NCAPG: variants seen among roughly 807,000 people sequenced by gnomAD.
NCAPG encodes the protein condensin complex subunit 3.
In NCAPG, 69 loss-of-function variants were observed where a neutral mutation model predicts 113.1. The observed-to-expected ratio is 0.61, with a 90% CI of 0.50 to 0.75. NCAPG has a LOEUF of 0.75. Among genes scored for constraint, NCAPG ranks in the 30% least tolerant of loss-of-function variants. NCAPG has a pLI of 0.00. For missense variants in NCAPG, 1,058 were observed against 1,177.0 expected (o/e 0.90, Z 1.48); for synonymous variants, 370 against 415.8 (o/e 0.89, Z 1.34).
In NCAPG at chr4:17,812,819, G is replaced by A. The variant is rs1721053916; in HGVS notation, c.316-98G>A. On this transcript the variant is annotated intron_variant, in intron 2 of 20. Transcript: ENST00000251496. ...TCTCTTCAGGAAATGAATTGTTGTT[G>A]TAACTTCTTGCATTCCGAATGTATA... 3.0e-6 allele frequency: 3 copies of A among 1,009,096 alleles called. No homozygotes were observed. The Admixed American group carries it at 6.4e-5, about 22-fold the overall frequency. 62.5% of individuals were successfully genotyped at this position (1,009,096 alleles called of 1,614,324 possible). A position where few individuals can be genotyped will look rare whatever the true frequency, so the allele number is the denominator to read the frequency against.
intron 5 of NCAPG, 157 bp from the exon 6 acceptor site, chr4:17,817,102 ACT>A (rs1396577057): frequency 5.5e-6 from 3 of 548,816 alleles, no homozygotes; most frequent in Admixed American, 3.5e-5. Context: ...ACAGAGCGAG[ACT>A]CTGTCTCAAA....
chr4:17,811,302 C>T lies in NCAPG; in HGVS notation c.111+114C>T, dbSNP rs895546027. On this transcript the variant is annotated intron_variant, in intron 1 of 20. Transcript: ENST00000251496. This position sits in a 1 kb window ranked among gnomAD's most constrained non-coding sequence, Gnocchi z 5.3. ...CCGTGACTCCAGCCTTGTTCACCTTCGCGACTCACTTCATAGGGATCTGAG... is the reference window on the plus strand; with the variant it reads ...CCGTGACTCCAGCCTTGTTCACCTTTGCGACTCACTTCATAGGGATCTGAG... The T allele has an allele frequency of 1.7e-5, 10 of 595,552 alleles. No individual in the cohort carries two copies. Among genetic ancestry groups the T allele is most frequent in the Non-Finnish European group, 2.2e-5 (8 of 357,762 alleles). 36.9% of individuals were successfully genotyped at this position (595,552 alleles called of 1,614,324 possible). A position where few individuals can be genotyped will look rare whatever the true frequency, so the allele number is the denominator to read the frequency against.
chr4:17,842,474 T>A, intron 20 of NCAPG, 95 bp downstream of exon 20: 1 of 954,890 alleles, frequency 1.0e-6, no homozygotes, highest in South Asian at 1.4e-5. Flanking sequence ...TGAGAGAGAA[T>A]ATATAACAAG....
chr4:17,839,195 C>G (rs1471837256), intron 16 of NCAPG, among the ~76,000 whole-genome samples: 3 of 152,162 alleles, frequency 2.0e-5, no homozygotes, highest in Non-Finnish European at 4.4e-5. Flanking sequence ...TCAACTACTG[C>G]TATGCAAACA....
chr4:17,821,457 CT>C (rs34483824), intron 7 of NCAPG, among the ~76,000 whole-genome samples: 58,282 of 104,402 alleles, frequency 0.56, 17,014 homozygotes, highest in South Asian at 0.72. Context: ...TCACCCCCGC[CT>C]TTTTTTTTTT....
At chr4:17,833,286 C>T (rs1488128175) in intron 13 of NCAPG, among the ~76,000 whole-genome samples, 1 of 150,342 alleles carries the variant, frequency 6.7e-6, no homozygotes. Context: ...CAGGAGAAAC[C>T]CCCATCTACT....
chr4:17,812,845 G>T (rs758329503), intron 2 of NCAPG, 72 bp from the exon 3 acceptor site: 82 of 1,256,328 alleles, frequency 6.5e-5, no homozygotes, highest in Admixed American at 1.1e-4. Context: ...CGAATGTATA[G>T]AGTTCAGATA....
In NCAPG at chr4:17,840,154, A is replaced by G. The variant is rs754558130; in HGVS notation, c.2712A>G (p.Gln904=). 2.5e-6 allele frequency: 4 copies of G among 1,612,160 alleles called. No individual in the cohort carries two copies. The highest frequency in any genetic ancestry group is 3.4e-6 in the Non-Finnish European group (4 of 1,179,094). ...AAGGAAATAAAGAATTTGGTGACCA[A>G]GCTGAAGCAGCACAGGATGCCACCT... The part of the protein sequence containing the change: ...LEKGNKEFGD[Q]AEAAQDATLT... Residue 904 remains glutamine (Q), a synonymous_variant, in exon 18 of 21, where the codon CAA becomes CAG. Coordinates refer to ENST00000251496, the MANE Select transcript of NCAPG (RefSeq NM_022346.5).
chr4:17,840,498 C>A, intron 18 of NCAPG, 109 bp from the exon 19 acceptor site: 1 of 671,250 alleles, frequency 1.5e-6, no homozygotes, highest in Non-Finnish European at 2.2e-6. Flanking sequence ...TCACTAGCTG[C>A]TAGAAGGACT....
At chr4:17,812,519 TC>T (rs1324044669) in intron 2 of NCAPG, 95 bp downstream of exon 2, 7 of 884,816 alleles carry the variant, frequency 7.9e-6, no homozygotes, top group African/African-American at 5.1e-5. Context: ...CAATGAAATA[TC>T]TAGTGATTGA....
chr4:17,830,542 G>A (rs946110015), intron 12 of NCAPG, among the ~76,000 whole-genome samples: 1 of 147,274 alleles, frequency 6.8e-6, no homozygotes, highest in African/African-American at 2.5e-5. Context: ...AATATATTAA[G>A]ACTAGTTTCA....
intron 7 of NCAPG, among the ~76,000 whole-genome samples, chr4:17,818,700 G>A (rs1216889134): frequency 6.6e-6 from 1 of 152,002 alleles, no homozygotes; most frequent in African/African-American, 2.4e-5. Context: ...GGATCTTTGT[G>A]GCCAGTTTTA....
rs1026490188 is a variant in NCAPG, at chr4:17,813,052, T to C, written c.451T>C (p.Leu151=). Residue 151 remains leucine (L), a synonymous_variant, in exon 3 of 21, where the codon TTG becomes CTG. Coordinates refer to ENST00000251496, the MANE Select transcript of NCAPG (RefSeq NM_022346.5). ...AATTAATAAAGCCATGCTTATTAGA[T>C]TGAAAGATAAGATTCCAAATGTGAG... ...DKINKAMLIR[L]KDKIPNVRIQ... 1.9e-6 allele frequency: 3 copies of C among 1,614,056 alleles called. No individual in the cohort carries two copies. Among genetic ancestry groups the C allele is most frequent in the Non-Finnish European group, 2.5e-6 (3 of 1,179,952 alleles).
intron 14 of NCAPG, 152 bp downstream of exon 14, chr4:17,834,675 G>A (rs1350134885): frequency 2.0e-6 from 1 of 509,704 alleles, no homozygotes; most frequent in African/African-American, 2.0e-5. Flanking sequence ...GTGCCATGGT[G>A]GTTTGCTGCA....
Position 17,839,754 on chromosome 4 carries a change from G to A in NCAPG, c.2545G>A (p.Val849Ile), listed in dbSNP as rs1261515705. The A allele has an allele frequency of 7.6e-6, 12 of 1,585,480 alleles. No individual in the cohort carries two copies. Among genetic ancestry groups the A allele is most frequent in the Non-Finnish European group, 1.0e-5 (12 of 1,173,142 alleles). Reference protein sequence around the residue: ...LTSPCSPEIRVYTKALSSLEL... With the variant: ...LTSPCSPEIRIYTKALSSLEL... ...AAGTCCGTGCTCGCCAGAAATTCGAGTCTATACAAAAGCCTTGAGTTCTTT... is the reference window on the plus strand; with the variant it reads ...AAGTCCGTGCTCGCCAGAAATTCGAATCTATACAAAAGCCTTGAGTTCTTT... Residue 849 changes from valine (V) to isoleucine (I), a missense_variant, in exon 17 of 21, where the codon GTC becomes ATC. Transcript: ENST00000251496.
Position 17,825,499 on chromosome 4 carries a change from GC to G in NCAPG, c.1593del (p.Arg532GlufsTer2), listed in dbSNP as rs753531432. The G allele has an allele frequency of 6.2e-7, 1 of 1,609,636 alleles. No individual in the cohort carries two copies. The highest frequency in any genetic ancestry group is 1.1e-5 in the South Asian group (1 of 90,454). On this transcript the variant is annotated frameshift_variant, in exon 11 of 21. Coordinates refer to ENST00000251496, the MANE Select transcript of NCAPG (RefSeq NM_022346.5). LOFTEE classifies it high-confidence loss of function. ...LKEEIKALED[A>X]RINLLKETEQ... ...AGAAGAAATAAAAGCATTAGAAGAT[GC>G]CAGAATAAACCTTTTGAAAGAGACA... is the stretch of plus-strand genomic sequence containing the variant.
In NCAPG at chr4:17,837,316, TC is replaced by T; in HGVS notation, c.2271del (p.Val758CysfsTer33). ...VQLRHCLGVF[F>X]PVFAYASRTN... The stretch of plus-strand genomic sequence containing the variant: ...CTTCGACATTGCCTAGGCGTGTTCT[TC>T]CCCGTGTTTGCTTATGCAAGCAGGT... On this transcript the variant is annotated frameshift_variant, in exon 15 of 21. Coordinates refer to ENST00000251496, the MANE Select transcript of NCAPG (RefSeq NM_022346.5). LOFTEE classifies it high-confidence loss of function. 6 of 1,613,494 alleles carry T rather than the reference TC, an allele frequency of 3.7e-6. No individual in the cohort carries two copies. The highest frequency in any genetic ancestry group is 5.1e-6 in the Non-Finnish European group (6 of 1,179,756).
intron 19 of NCAPG, chr4:17,841,271 T>A (rs560317275): frequency 1.3e-5 from 2 of 152,068 alleles, no homozygotes; most frequent in South Asian, 4.1e-4. Flanking sequence ...AGAAAGTACA[T>A]CCAGACAAAC....
intron 7 of NCAPG, 34 bp from the exon 8 acceptor site, chr4:17,822,949 A>C (rs1168929839): frequency 5.9e-6 from 9 of 1,536,488 alleles, no homozygotes; most frequent in African/African-American, 1.4e-5. Flanking sequence ...ATGTTTCTTA[A>C]AAGATTCTAC....
Sources: gnomAD v4.1 joint callset for allele counts (sites outside exome capture counted in the v4.1 genomes callset) on GRCh38, gnomAD v4.1.1 for gene constraint, Gnocchi (gnomAD v3.1) non-coding constraint, MANE v1.5 for transcripts, NCBI Gene and HGNC (gene_info 2026-07-23, HGNC 2026-07-21) for gene names.